The following SLC17A5 variants were observed in gnomAD, a reference collection of about 807,000 sequenced individuals.
The protein encoded by SLC17A5 is solute carrier family 17 member 5.
Under a neutral mutation model 59.4 loss-of-function variants are expected in SLC17A5, and 47 were observed. The observed-to-expected ratio is 0.79, with a 90% confidence interval of 0.63 to 1.01. The LOEUF (loss-of-function observed/expected upper bound fraction) is 1.01. SLC17A5 is among the 50% of genes least tolerant of loss of function. The pLI, the probability that SLC17A5 is intolerant of heterozygous loss-of-function variation, is 0.00. For missense variants in SLC17A5, 522 were observed against 595.5 expected (o/e 0.88, Z 1.28); for synonymous variants, 202 against 210.7 (o/e 0.96, Z 0.36).
At position 73,601,691 on chromosome 6, in the gene SLC17A5, GT is replaced by G. The variant is rs1223566739; in HGVS notation, c.1260-1251del. Among the ~76,000 whole-genome samples, 31 of 99,786 alleles carry G rather than the reference GT, an allele frequency of 3.1e-4. 5 individuals carry two copies. Among genetic ancestry groups the G allele is most frequent in the Non-Finnish European group, 3.6e-4 (17 of 47,522 alleles). 65.5% of individuals were successfully genotyped at this position (99,786 alleles called of 152,430 possible). ...ATGCCCCGTCCAGGAGGGAGGTGGG[GT>G]GGTCAGCCCCCCGCCCGGCCAGCCG... On this transcript the variant is annotated intron_variant, in intron 9 of 10. Transcript: ENST00000355773.
At chr6:73,611,609 A>G (rs1767641907) in intron 8 of SLC17A5, among the ~76,000 whole-genome samples, 1 of 150,856 alleles carries the variant, frequency 6.6e-6, no homozygotes, top group African/African-American at 2.4e-5. Flanking sequence ...CCCACCTAAT[A>G]TGCAGGAATC....
chr6:73,602,258 A>G lies in SLC17A5; in HGVS notation c.1260-1817T>C, dbSNP rs572488844. On this transcript the variant is annotated intron_variant, in intron 9 of 10. Coordinates refer to ENST00000355773, the MANE Select transcript of SLC17A5 (RefSeq NM_012434.5). ...GAAGGCAGCATGCTCGTTAAGAATC[A>G]TCACCACTCCCTAATCTCAAGTACC... 3.4e-3 allele frequency among the ~76,000 whole-genome samples: 506 copies of G among 148,420 alleles called. 2 individuals are homozygous for G. Among genetic ancestry groups the G allele is most frequent in the African/African-American group, 0.012 (468 of 39,628 alleles).
intron 9 of SLC17A5, among the ~76,000 whole-genome samples, chr6:73,606,547 G>C (rs1483050964): frequency 6.6e-6 from 1 of 152,096 alleles, no homozygotes; most frequent in Non-Finnish European, 1.5e-5. Context: ...AAAATTTCAG[G>C]GTTGGACCTG....
intron 3 of SLC17A5, among the ~76,000 whole-genome samples, chr6:73,640,026 A>C (rs529911706): frequency 1.4e-4 from 22 of 152,374 alleles, no homozygotes; most frequent in African/African-American, 5.0e-4. Context: ...AGCCTGGGCA[A>C]CAGAGTGAGA....
Position 73,595,103 on chromosome 6 carries a change from T to C in SLC17A5, c.1462A>G (p.Asn488Asp). 6 of 1,614,092 alleles carry C rather than the reference T, an allele frequency of 3.7e-6. No homozygotes were observed. Among genetic ancestry groups the C allele is most frequent in the Non-Finnish European group, 5.1e-6 (6 of 1,179,976 alleles). The change falls in exon 11 of 11, where the codon AAT becomes GAT. Residue 488 changes from asparagine (N) to aspartate (D), a missense_variant. Coordinates refer to ENST00000355773, the MANE Select transcript of SLC17A5 (RefSeq NM_012434.5). ...CAGTGTCTGTGTCCATGGTGATCAT[T>C]GAGAGCCCAGTTTTGTACTTCACCT... is the stretch of plus-strand genomic sequence containing the variant. ...AKGEVQNWAL[N>D]DHHGHRH
chr6:73,611,237 G>T (rs1157771081), intron 8 of SLC17A5, among the ~76,000 whole-genome samples: 1 of 152,138 alleles, frequency 6.6e-6, no homozygotes, highest in Non-Finnish European at 1.5e-5. Context: ...GTCAGAGCAA[G>T]ACCTTGTTTC....
chr6:73,603,248 C>T (rs974313588), intron 9 of SLC17A5, among the ~76,000 whole-genome samples: 1 of 152,014 alleles, frequency 6.6e-6, no homozygotes, highest in Admixed American at 6.6e-5. Context: ...TCTTCTGCTT[C>T]AGCCTCCCAA....
At chr6:73,629,590 T>C (rs150341942) in intron 6 of SLC17A5, among the ~76,000 whole-genome samples, 6 of 152,038 alleles carry the variant, frequency 3.9e-5, no homozygotes, top group African/African-American at 1.4e-4. Context: ...CTGACCAACA[T>C]GCAGAAACCC....
chr6:73,601,996 A>AG (rs1290908873), intron 9 of SLC17A5, among the ~76,000 whole-genome samples: 153 of 152,172 alleles, frequency 1.0e-3, no homozygotes, highest in African/African-American at 3.5e-3. Flanking sequence ...TGGAATAGAA[A>AG]GGGGGGAAAG....
At chr6:73,641,613 T>A in intron 3 of SLC17A5, 78 bp downstream of exon 3, 6 of 1,120,336 alleles carry the variant, frequency 5.4e-6, no homozygotes, top group Non-Finnish European at 7.8e-6. Flanking sequence ...TTCATATTCA[T>A]ACCAAAGAAT....
intron 9 of SLC17A5, among the ~76,000 whole-genome samples, chr6:73,602,039 C>T (rs1254462545): frequency 3.3e-5 from 5 of 151,902 alleles, no homozygotes; most frequent in African/African-American, 9.7e-5. Flanking sequence ...GGATGGTTGC[C>T]GTGTCTGTGT....
rs780708852 is a variant in SLC17A5 at position 73,595,211 on chromosome 6, T to C, written c.1354A>G (p.Thr452Ala). Residue 452 changes from threonine to alanine, a missense_variant, in exon 11 of 11, where the codon ACT becomes GCT. Thr to Ala is a moderately conservative substitution (Grantham distance 58). Around this residue, in one of 3 missense-constraint regions of SLC17A5, gnomAD observed 153 missense variants for 168.5 expected, o/e 0.91. Coordinates refer to ENST00000355773, the MANE Select transcript of SLC17A5 (RefSeq NM_012434.5). Reference sequence around the variant, plus strand: ...AACACGGTTTGCCATTCTCCAACAGTGTTCTATAAAGGAAGACAAAAAATG... The same window carrying C: ...AACACGGTTTGCCATTCTCCAACAGCGTTCTATAAAGGAAGACAAAAAATG... ...VIAKSLTPDN[T>A]VGEWQTVFYI... The C allele has an allele frequency of 3.1e-6, 5 of 1,614,054 alleles. No individual in the cohort carries two copies. Among genetic ancestry groups the C allele is most frequent in the East Asian group, 2.2e-5 (1 of 44,860 alleles).
chr6:73,632,147 T>C (rs967342812), intron 6 of SLC17A5, among the ~76,000 whole-genome samples: 3 of 150,362 alleles, frequency 2.0e-5, no homozygotes, highest in Non-Finnish European at 4.4e-5. Flanking sequence ...CTACAAAAAA[T>C]AATTAGCTAG....
At chr6:73,622,036 C>A in intron 6 of SLC17A5, 74 bp from the exon 7 acceptor site, 1 of 1,442,746 alleles carries the variant, frequency 6.9e-7, no homozygotes. Context: ...TCAGCTAAAA[C>A]TCTATCCAGA....
intron 6 of SLC17A5, among the ~76,000 whole-genome samples, chr6:73,633,397 A>G (rs1768855452): frequency 2.6e-5 from 4 of 151,916 alleles, no homozygotes. Flanking sequence ...GTTAAAGAGT[A>G]CATTTTTCCT....
intron 6 of SLC17A5, 45 bp from the exon 7 acceptor site, chr6:73,622,007 T>C (rs374568064): frequency 4.4e-5 from 70 of 1,573,568 alleles, no homozygotes; most frequent in Non-Finnish European, 5.2e-5. Flanking sequence ...GCTATGTTAA[T>C]GCTTAGATCT....
At chr6:73,606,950 T>C (rs1450399366) in intron 9 of SLC17A5, among the ~76,000 whole-genome samples, 1 of 152,206 alleles carries the variant, frequency 6.6e-6, no homozygotes, top group Non-Finnish European at 1.5e-5. Context: ...CTAAAAATTA[T>C]GTTGAGAAGT....
At chr6:73,625,170 T>A (rs946146569) in intron 6 of SLC17A5, among the ~76,000 whole-genome samples, 1 of 152,160 alleles carries the variant, frequency 6.6e-6, no homozygotes, top group African/African-American at 2.4e-5. Context: ...TTGTGTTTTT[T>A]AATTACAAAT....
rs374241516 is a variant in SLC17A5 at position 73,600,429 on chromosome 6, G to T, written c.1272C>A (p.Ile424=). 1.5e-5 allele frequency: 25 copies of T among 1,613,056 alleles called. No homozygotes were observed. The highest frequency in any genetic ancestry group is 2.1e-5 in the Non-Finnish European group (25 of 1,179,308). Reference sequence around the variant, plus strand: ...CAAATGTATTTGTGATGCCCAGGAGGATACCAGCATACCTGTAGAAACATT... The same window carrying T: ...CAAATGTATTTGTGATGCCCAGGAGTATACCAGCATACCTGTAGAAACATT... The part of the protein sequence containing the change: ...HLDIAPSYAG[I]LLGITNTFAT... Residue 424 remains isoleucine (I), a synonymous_variant, in exon 10 of 11, where the codon ATC becomes ATA. Transcript: ENST00000355773.
Sources: allele counts gnomAD v4.1 joint callset (sites outside exome capture counted in the v4.1 genomes callset), GRCh38; gene constraint gnomAD v4.1.1; regional missense constraint gnomAD v4.1.1; transcripts MANE v1.5; gene names NCBI Gene and HGNC (gene_info 2026-07-23, HGNC 2026-07-21).